Variants in IGSF3 observed in about 807,000 individuals in gnomAD.
The protein encoded by IGSF3 is glu-Trp-Ile EWI motif-containing protein 3.
A neutral mutation model predicts 114.4 loss-of-function variants in IGSF3; 23 were observed. The ratio of observed to expected loss-of-function variants is 0.20; its 90% CI spans 0.14 to 0.28. IGSF3 has a LOEUF of 0.28. Ranked by LOEUF, IGSF3 falls within the 10% of genes least tolerant of loss-of-function variation. IGSF3 has a pLI of 1.00. For synonymous variants in IGSF3, 571 were observed against 645.2 expected, an observed-to-expected ratio of 0.88 and a Z score of 1.74; for missense variants, 1,172 against 1,591.5, an observed-to-expected ratio of 0.74 and a Z score of 4.48.
chr1:116,608,273 C>T lies in IGSF3; in HGVS notation c.891G>A (p.Pro297=), dbSNP rs61730485. The T allele has an allele frequency of 7.4e-6, 12 of 1,611,778 alleles. No individual in the cohort carries two copies. The highest frequency in any genetic ancestry group is 4.4e-5 in the South Asian group (4 of 90,992). Residue 297 remains proline, a synonymous_variant, in exon 5 of 11, where the codon CCG becomes CCA. Transcript: ENST00000369486. ...TEKRLHTVGE[P]VEFRCILEAQ... is the part of the protein sequence containing the mutation. ...CCTCCAGGATGCATCTGAACTCCAC[C>T]GGCTCGCCCACCGTGTGCAGCCGCT...
At chr1:116,658,126 C>G (rs1018239863) in intron 2 of IGSF3, among the ~76,000 whole-genome samples, 19 of 151,862 alleles carry the variant, frequency 1.3e-4, no homozygotes, top group Admixed American at 7.9e-4. Flanking sequence ...ATCGCAAACT[C>G]CGCCTCCCAG....
In IGSF3 at chr1:116,593,764, C is replaced by T. The variant is rs1368025519; in HGVS notation, c.2030-4660G>A. On this transcript the variant is annotated intron_variant, in intron 7 of 10. Transcript: ENST00000369486. This position sits in a 1 kb window ranked among gnomAD's most constrained non-coding sequence, Gnocchi z 4.5. Reference sequence around the variant, plus strand: ...GGCAAATGGGGCATGCTACTGCCCACGGCTGCCCACCCCACAGCCCGTGAC... The same window carrying T: ...GGCAAATGGGGCATGCTACTGCCCATGGCTGCCCACCCCACAGCCCGTGAC... Among the ~76,000 whole-genome samples the T allele has an allele frequency of 2.0e-5, 3 of 152,210 alleles. No individual in the cohort carries two copies. Among genetic ancestry groups the T allele is most frequent in the African/African-American group, 4.8e-5 (2 of 41,452 alleles).
In IGSF3 at chr1:116,605,591, CT is replaced by C. The variant is rs1212851389; in HGVS notation, c.1223-1567del. 2.6e-5 allele frequency among the ~76,000 whole-genome samples: 4 copies of C among 152,094 alleles called. No individual in the cohort carries two copies. The highest frequency in any genetic ancestry group is 2.6e-4 in the Admixed American group (4 of 15,278). ...TAACTCTGTAATCCTGTGGTTCTTC[CT>C]TAACCTACCAAAGCTCCAATTTCTC... On this transcript the variant is annotated intron_variant, in intron 5 of 10. Coordinates refer to ENST00000369486, the MANE Select transcript of IGSF3 (RefSeq NM_001007237.3). The surrounding 1 kb of genome is among the most constrained non-coding windows in gnomAD (Gnocchi z 5.1).
At chr1:116,639,266 AG>A (rs1232094243) in intron 2 of IGSF3, among the ~76,000 whole-genome samples, 2 of 152,258 alleles carry the variant, frequency 1.3e-5, no homozygotes, top group African/African-American at 4.8e-5. Flanking sequence ...ATGGGTACTA[AG>A]AAGTGAAGAT....
chr1:116,631,786 T>C (rs1381737206), intron 2 of IGSF3, among the ~76,000 whole-genome samples: 3 of 152,116 alleles, frequency 2.0e-5, no homozygotes, highest in Admixed American at 6.5e-5. Flanking sequence ...CAGGAGGACA[T>C]AGGGAGCAAA....
At position 116,577,474 on chromosome 1, in the gene IGSF3, G is replaced by T. The variant is rs756284283; in HGVS notation, c.3423C>A (p.Ile1141=). The T allele has an allele frequency of 1.9e-6, 3 of 1,614,188 alleles. No individual in the cohort carries two copies. The highest frequency in any genetic ancestry group is 1.1e-5 in the South Asian group (1 of 91,076). ...TGAAACGCACCAGAAGGATGGTGAT[G>T]ATAAGAATGCCAAAGATGGGGAAAG... ...FYPFPIFGIL[I]ITILLVRFKS... The change falls in exon 11 of 11, where the codon ATC becomes ATA. Residue 1141 remains isoleucine, a synonymous_variant. Coordinates refer to ENST00000369486, the MANE Select transcript of IGSF3 (RefSeq NM_001007237.3). This position sits in a 1 kb window ranked among gnomAD's most constrained non-coding sequence, Gnocchi z 5.7.
At position 116,615,285 on chromosome 1, in the gene IGSF3, A is replaced by G. The variant is rs1449509752; in HGVS notation, c.421+795T>C. Among the ~76,000 whole-genome samples, 1 of 148,222 alleles carries G rather than the reference A, an allele frequency of 6.7e-6. No individual in the cohort carries two copies. Among genetic ancestry groups the G allele is most frequent in the African/African-American group, 2.6e-5 (1 of 38,938 alleles). On this transcript the variant is annotated intron_variant, in intron 3 of 10. Transcript: ENST00000369486. This position sits in a 1 kb window ranked among gnomAD's most constrained non-coding sequence, Gnocchi z 4.3. ...GCGAAGCTCCATCACACATACACAC[A>G]TACACACACACACACACACACGAAA...
chr1:116,579,769 A>G lies in IGSF3; in HGVS notation c.2957T>C (p.Phe986Ser). The G allele has an allele frequency of 6.2e-7, 1 of 1,614,134 alleles. No homozygotes were observed. Among genetic ancestry groups the G allele is most frequent in the Non-Finnish European group, 8.5e-7 (1 of 1,180,026 alleles). Residue 986 changes from phenylalanine to serine, a missense_variant, in exon 10 of 11, where the codon TTC (phenylalanine) becomes TCC (serine). Coordinates refer to ENST00000369486, the MANE Select transcript of IGSF3 (RefSeq NM_001007237.3). This position sits in a 1 kb window ranked among gnomAD's most constrained non-coding sequence, Gnocchi z 6.4. ...CCTCAGGGAATACCAGGCCACAGCGAAGCGGGAGTCCTGGCTGGAGCGGGA... is the reference window on the plus strand; with the variant it reads ...CCTCAGGGAATACCAGGCCACAGCGGAGCGGGAGTCCTGGCTGGAGCGGGA... ...IVSRSSQDSR[F>S]AVAWYSLRTK...
chr1:116,582,848 CTTTCT>C lies in IGSF3; in HGVS notation c.2848+1792_2848+1796del, dbSNP rs1477571019. Among the ~76,000 whole-genome samples the C allele has an allele frequency of 2.0e-5, 3 of 152,174 alleles. No homozygotes were observed. Among genetic ancestry groups the C allele is most frequent in the Non-Finnish European group, 4.4e-5 (3 of 68,036 alleles). Reference sequence around the variant, plus strand: ...TGTAGGCCGTGAGATTATGGCTAACCTTTCTTTTCAAAATTATACTTTTCTGTTTT... The same window carrying C: ...TGTAGGCCGTGAGATTATGGCTAACCTTTCAAAATTATACTTTTCTGTTTT... On this transcript the variant is annotated intron_variant, in intron 9 of 10. Transcript: ENST00000369486. This position sits in a 1 kb window ranked among gnomAD's most constrained non-coding sequence, Gnocchi z 4.7.
At position 116,606,529 on chromosome 1, in the gene IGSF3, G is replaced by A. The variant is rs770069779; in HGVS notation, c.1222+1413C>T. 4 of 1,101,924 alleles carry A rather than the reference G, an allele frequency of 3.6e-6. No individual in the cohort carries two copies. In the East Asian group the frequency reaches 9.4e-5, roughly 26 times the overall value. 68.3% of individuals were successfully genotyped at this position (1,101,924 alleles called of 1,614,324 possible). A position where few individuals can be genotyped will look rare whatever the true frequency, so the allele number is the denominator to read the frequency against. ...GGGACAGGAGCTGGTGGTGCTGGGG[G>A]ACTTTAACTACCCAGTTATCTGCTG... On this transcript the variant is annotated intron_variant, in intron 5 of 10. Coordinates refer to ENST00000369486, the MANE Select transcript of IGSF3 (RefSeq NM_001007237.3).
chr1:116,640,400 A>G (rs1052252971), intron 2 of IGSF3, among the ~76,000 whole-genome samples: 2 of 151,964 alleles, frequency 1.3e-5, no homozygotes, highest in Non-Finnish European at 2.9e-5. Flanking sequence ...CCACTATTCC[A>G]CCCATCCCAG....
chr1:116,600,551 A>C lies in IGSF3; in HGVS notation c.1625-206T>G, dbSNP rs532692611. On this transcript the variant is annotated intron_variant, in intron 6 of 10. Transcript: ENST00000369486. The surrounding 1 kb of genome is among the most constrained non-coding windows in gnomAD (Gnocchi z 5.5). ...CCAAGACTCCAAAGAAAGGCCCACC[A>C]CAATTCCCCCTGAGCAGCACTAGCC... is the stretch of plus-strand genomic sequence containing the variant. Among the ~76,000 whole-genome samples, 1 of 151,634 alleles carries C rather than the reference A, an allele frequency of 6.6e-6. No individual in the cohort carries two copies. Among genetic ancestry groups the C allele is most frequent in the East Asian group, 1.9e-4 (1 of 5,186 alleles).
Position 116,584,716 on chromosome 1 carries a change from C to A in IGSF3, c.2777G>T (p.Ser926Ile). Residue 926 changes from serine (S) to isoleucine (I), a missense_variant, in exon 9 of 11, where the codon AGC becomes ATC. Around this residue, in one of 3 missense-constraint regions of IGSF3, gnomAD observed 423 missense variants for 509.8 expected, o/e 0.83. Transcript: ENST00000369486. The surrounding 1 kb of genome is among the most constrained non-coding windows in gnomAD (Gnocchi z 5.8). Reference protein sequence around the residue: ...YSCHVEEWLPSPSGMWYKRAE... With the variant: ...YSCHVEEWLPIPSGMWYKRAE... ...CCGCTTATACCACATGCCACTGGGG[C>A]TGGGCAGCCACTCCTCCACATGGCA... The A allele has an allele frequency of 6.2e-7, 1 of 1,613,554 alleles. No homozygotes were observed. The highest frequency in any genetic ancestry group is 1.3e-5 in the African/African-American group (1 of 75,052).
Position 116,579,716 on chromosome 1 carries a change from G to C in IGSF3, c.3010C>G (p.Pro1004Ala). 1 of 1,593,502 alleles carries C rather than the reference G, an allele frequency of 6.3e-7. No homozygotes were observed. The highest frequency in any genetic ancestry group is 8.6e-7 in the Non-Finnish European group (1 of 1,166,056). The change falls in exon 10 of 11, where the codon CCT becomes GCT. Residue 1004 changes from proline to alanine, a missense_variant. Transcript: ENST00000369486. This position sits in a 1 kb window ranked among gnomAD's most constrained non-coding sequence, Gnocchi z 6.4. ...RTKAGGKRSS[P>A]GLEEQEEERE... ...TCCTCTTCCTGTTCTTCCAGGCCAGGGCTGCTCCTTTTCCCCCCAGCTTTA... is the reference window on the plus strand; with the variant it reads ...TCCTCTTCCTGTTCTTCCAGGCCAGCGCTGCTCCTTTTCCCCCCAGCTTTA...
At position 116,577,319 on chromosome 1, in the gene IGSF3, A is replaced by G. The variant is rs1344290589; in HGVS notation, c.3578T>C (p.Ile1193Thr). The G allele has an allele frequency of 6.2e-7, 1 of 1,613,720 alleles. No individual in the cohort carries two copies. Residue 1193 changes from isoleucine to threonine, a missense_variant, in exon 11 of 11, where the codon ATA becomes ACA. By Grantham distance (89) the Ile-to-Thr change is moderately conservative. Coordinates refer to ENST00000369486, the MANE Select transcript of IGSF3 (RefSeq NM_001007237.3). This position sits in a 1 kb window ranked among gnomAD's most constrained non-coding sequence, Gnocchi z 5.7. ...PPVLSIHPGA[I>T]D ...CGCTGGGGCATCACCCGCTTAGTCT[A>G]TGGCCCCTGGATGGATACTGAGAAC... is the stretch of plus-strand genomic sequence containing the variant.
chr1:116,585,873 CAG>C lies in IGSF3; in HGVS notation c.2441-823_2441-822del, dbSNP rs1659822448. ...CCATTGCACACTCCAGCCTGTGCAA[CAG>C]AGTGAGACTGTCTCAAAAAAAAGAA... On this transcript the variant is annotated intron_variant, in intron 8 of 10. Coordinates refer to ENST00000369486, the MANE Select transcript of IGSF3 (RefSeq NM_001007237.3). The surrounding 1 kb of genome is among the most constrained non-coding windows in gnomAD (Gnocchi z 4.9). 2.0e-5 allele frequency among the ~76,000 whole-genome samples: 3 copies of C among 152,254 alleles called. No homozygotes were observed. Among genetic ancestry groups the C allele is most frequent in the African/African-American group, 4.8e-5 (2 of 41,554 alleles).
chr1:116,614,865 C>T lies in IGSF3; in HGVS notation c.422-690G>A, dbSNP rs1258117298. The stretch of plus-strand genomic sequence containing the variant: ...GGTCAGAATCATACCCTGATCCTTG[C>T]TTGCACCTTTCTGGAGATTAAATAG... On this transcript the variant is annotated intron_variant, in intron 3 of 10. Transcript: ENST00000369486. This position sits in a 1 kb window ranked among gnomAD's most constrained non-coding sequence, Gnocchi z 4.5. 6.6e-6 allele frequency among the ~76,000 whole-genome samples: 1 copy of T among 152,158 alleles called. No homozygotes were observed. Among genetic ancestry groups the T allele is most frequent in the Non-Finnish European group, 1.5e-5 (1 of 68,028 alleles).
chr1:116,580,423 T>A (rs933872200), intron 9 of IGSF3, among the ~76,000 whole-genome samples: 2 of 152,196 alleles, frequency 1.3e-5, no homozygotes, highest in Non-Finnish European at 2.9e-5. Context: ...GCTGAATTCA[T>A]AACCCACGAT....
chr1:116,642,681 G>C lies in IGSF3; in HGVS notation c.43+23603C>G, dbSNP rs1393202803. 6.6e-6 allele frequency among the ~76,000 whole-genome samples: 1 copy of C among 152,252 alleles called. No individual in the cohort carries two copies. Among genetic ancestry groups the C allele is most frequent in the East Asian group, 1.9e-4 (1 of 5,194 alleles). On this transcript the variant is annotated intron_variant, in intron 2 of 10. Coordinates refer to ENST00000369486, the MANE Select transcript of IGSF3 (RefSeq NM_001007237.3). The surrounding 1 kb of genome is among the most constrained non-coding windows in gnomAD (Gnocchi z 5.4). ...GGGCGCTCCGAGGCTGTGGGCCGGT[G>C]TCCTGCCCTGAAGAGCTTGGCTGCC...
Sources: gnomAD v4.1 joint callset for allele counts (sites outside exome capture counted in the v4.1 genomes callset) on GRCh38, gnomAD v4.1.1 for gene constraint, gnomAD v4.1.1 regional missense constraint, Gnocchi (gnomAD v3.1) non-coding constraint, MANE v1.5 for transcripts, NCBI Gene and HGNC (gene_info 2026-07-23, HGNC 2026-07-21) for gene names.